The following TTC27 variants were observed in gnomAD, a reference collection of about 807,000 sequenced individuals.
The protein encoded by TTC27 is tetratricopeptide repeat protein 27.
A neutral mutation model predicts 115.9 loss-of-function variants in TTC27; 79 were observed. The observed-to-expected ratio is 0.68, with a 90% confidence interval of 0.57 to 0.82. TTC27 has a LOEUF of 0.82. Among genes scored for constraint, TTC27 ranks in the 40% least tolerant of loss-of-function variants. TTC27 has a pLI of 0.00. For synonymous variants in TTC27, 401 were observed against 356.0 expected, an observed-to-expected ratio of 1.13 and a Z score of -1.42; for missense variants, 1,054 against 993.1, an observed-to-expected ratio of 1.06 and a Z score of -0.82.
intron 8 of TTC27, among the ~76,000 whole-genome samples, chr2:32,676,973 A>T (rs1346688007): frequency 6.6e-6 from 1 of 151,784 alleles, no homozygotes; most frequent in Non-Finnish European, 1.5e-5. Flanking sequence ...TCCATTTGGA[A>T]TAGTCTAATA....
At chr2:32,635,265 G>T in intron 3 of TTC27, 1 of 152,404 alleles carries the variant, frequency 6.6e-6, no homozygotes, top group Middle Eastern at 8.6e-4. Context: ...TGGTGATTTT[G>T]AACGTAGCTA....
At chr2:32,776,269 C>T (rs1669994188) in intron 13 of TTC27, among the ~76,000 whole-genome samples, 1 of 152,170 alleles carries the variant, frequency 6.6e-6, no homozygotes. Flanking sequence ...TAATTACTGG[C>T]TAAAAATCTT....
At chr2:32,663,021 C>T (rs1665610747) in intron 5 of TTC27, among the ~76,000 whole-genome samples, 1 of 152,120 alleles carries the variant, frequency 6.6e-6, no homozygotes, top group Non-Finnish European at 1.5e-5. Flanking sequence ...GGTGGACGCC[C>T]CTGTCCCCAC....
intron 6 of TTC27, among the ~76,000 whole-genome samples, chr2:32,665,776 A>G (rs1355644846): frequency 2.0e-5 from 3 of 152,194 alleles, no homozygotes; most frequent in Non-Finnish European, 4.4e-5. Context: ...CTGTAATCCC[A>G]GCTACTCTGG....
chr2:32,684,871 C>CAT (rs759467395), intron 9 of TTC27, among the ~76,000 whole-genome samples: 49 of 148,412 alleles, frequency 3.3e-4, no homozygotes, highest in Admixed American at 1.1e-3. Context: ...TTACACATGT[C>CAT]ATAGTCAGCC....
chr2:32,646,035 ATT>A (rs987997380), intron 4 of TTC27, among the ~76,000 whole-genome samples: 1 of 113,936 alleles, frequency 8.8e-6, no homozygotes. Flanking sequence ...TTCAATTTTA[ATT>A]TTTTTTTTTG....
chr2:32,819,977 G>T (rs1671627212), intron 19 of TTC27, among the ~76,000 whole-genome samples: 1 of 152,218 alleles, frequency 6.6e-6, no homozygotes, highest in Admixed American at 6.5e-5. Flanking sequence ...GTGAGGCTAG[G>T]TTATTTTCCT....
intron 8 of TTC27, among the ~76,000 whole-genome samples, chr2:32,674,339 C>T (rs766176406): frequency 2.0e-5 from 3 of 151,786 alleles, no homozygotes; most frequent in African/African-American, 4.8e-5. Context: ...TTAGTAGAGA[C>T]GGGGTTTTGC....
intron 8 of TTC27, 27 bp from the exon 9 acceptor site, chr2:32,678,828 TA>T: frequency 6.5e-7 from 1 of 1,547,844 alleles, no homozygotes; most frequent in Non-Finnish European, 8.9e-7. Flanking sequence ...ATCTTATAAT[TA>T]ATTTACCTTT....
chr2:32,766,178 A>G (rs1190776283), intron 13 of TTC27, among the ~76,000 whole-genome samples: 3 of 152,204 alleles, frequency 2.0e-5, no homozygotes, highest in Non-Finnish European at 4.4e-5. Flanking sequence ...TTCATTTGAT[A>G]CATTGTAATT....
chr2:32,805,730 G>A (rs930040390), intron 16 of TTC27, among the ~76,000 whole-genome samples: 5 of 152,198 alleles, frequency 3.3e-5, no homozygotes, highest in Non-Finnish European at 7.3e-5. Flanking sequence ...ACAGAGTAAG[G>A]TAGTTGAGGA....
intron 13 of TTC27, among the ~76,000 whole-genome samples, chr2:32,767,505 A>G (rs1669678188): frequency 7.5e-6 from 1 of 133,922 alleles, no homozygotes; most frequent in South Asian, 2.4e-4. Context: ...CAGGCCAAGG[A>G]CTGCGGACTG....
chr2:32,640,717 T>C (rs553958837), intron 4 of TTC27, among the ~76,000 whole-genome samples: 1 of 152,298 alleles, frequency 6.6e-6, no homozygotes, highest in Non-Finnish European at 1.5e-5. Context: ...GCATGGTGGC[T>C]CACGTCTGTA....
intron 12 of TTC27, among the ~76,000 whole-genome samples, chr2:32,741,111 G>A (rs116517842): frequency 6.6e-6 from 1 of 152,172 alleles, no homozygotes; most frequent in African/African-American, 2.4e-5. Context: ...ATTTTGTAGC[G>A]CCGTCTCACT....
At chr2:32,800,061 A>G (rs1480806692) in intron 16 of TTC27, among the ~76,000 whole-genome samples, 1 of 152,212 alleles carries the variant, frequency 6.6e-6, no homozygotes, top group Non-Finnish European at 1.5e-5. Flanking sequence ...TAGGGATGAT[A>G]GCGATACCTG....
chr2:32,795,618 T>A (rs1403894037), intron 16 of TTC27, among the ~76,000 whole-genome samples: 1 of 151,000 alleles, frequency 6.6e-6, no homozygotes, highest in Non-Finnish European at 1.5e-5. Flanking sequence ...AGTGGCATGA[T>A]CTCTGCTCAC....
intron 19 of TTC27, among the ~76,000 whole-genome samples, chr2:32,820,117 A>C (rs760765035): frequency 4.6e-5 from 7 of 152,246 alleles, no homozygotes; most frequent in Non-Finnish European, 8.8e-5. Context: ...ATATTTCTGA[A>C]TAAAACATAT....
At chr2:32,700,009 G>T (rs1328844010) in intron 9 of TTC27, among the ~76,000 whole-genome samples, 1 of 152,164 alleles carries the variant, frequency 6.6e-6, no homozygotes, top group Non-Finnish European at 1.5e-5. Context: ...CAAGCCCATG[G>T]GCTGAGCTGG....
At chr2:32,667,597 G>T (rs192533127) in intron 7 of TTC27, among the ~76,000 whole-genome samples, 2,968 of 150,830 alleles carry the variant, frequency 0.02, 92 homozygotes, top group African/African-American at 0.069. Context: ...TGTATTTTTG[G>T]TAGAGACAGG....
Sources: gnomAD v4.1 joint callset for allele counts (sites outside exome capture counted in the v4.1 genomes callset) on GRCh38, gnomAD v4.1.1 for gene constraint, MANE v1.5 for transcripts, NCBI Gene and HGNC (gene_info 2026-07-23, HGNC 2026-07-21) for gene names.